Variants in MFSD6 observed in about 807,000 individuals in gnomAD.
The protein encoded by MFSD6 is major facilitator superfamily domain containing 6, also known as major facilitator superfamily domain-containing protein 6.
MFSD6 carries 26 observed loss-of-function variants against 56.3 expected under a neutral mutation model. The observed-to-expected ratio is 0.46, with a 90% CI of 0.34 to 0.64. MFSD6 has a LOEUF of 0.64. MFSD6 is among the 30% of genes least tolerant of loss of function. The probability of loss-of-function intolerance (pLI) is 0.01; values close to 1 mark genes in which losing one functional copy is unlikely to be tolerated. For missense variants in MFSD6, 750 were observed against 986.2 expected, an observed-to-expected ratio of 0.76 and a Z score of 3.21; for synonymous variants, 331 against 366.9, an observed-to-expected ratio of 0.90 and a Z score of 1.12.
At chr2:190,445,304 G>A (rs1241860114) in intron 3 of MFSD6, among the ~76,000 whole-genome samples, 1 of 152,118 alleles carries the variant, frequency 6.6e-6, no homozygotes, top group African/African-American at 2.4e-5. Context: ...TCAGTGGTGG[G>A]GGGATTTGGT....
chr2:190,468,619 ATTTTTTTT>A (rs71027223), intron 3 of MFSD6, among the ~76,000 whole-genome samples: 1 of 128,026 alleles, frequency 7.8e-6, no homozygotes, highest in South Asian at 2.6e-4. Context: ...AGCCTGGCTA[ATTTTTTTT>A]TTTTTTTTTT....
In MFSD6 at chr2:190,437,148, C is replaced by A. The variant is rs1054860609; in HGVS notation, c.1119C>A (p.Ile373=). 1 of 1,614,146 alleles carries A rather than the reference C, an allele frequency of 6.2e-7. No individual in the cohort carries two copies. The highest frequency in any genetic ancestry group is 1.3e-5 in the African/African-American group (1 of 74,946). The stretch of plus-strand genomic sequence containing the variant: ...ACAGGAATTACCAGATCGTCTTCAT[C>A]GTCTTCGGCGTTCTCATGACCATGG... The part of the protein sequence containing the change: ...PEYRNYQIVF[I]VFGVLMTMAL... The change falls in exon 3 of 8, where the codon ATC becomes ATA. Residue 373 remains isoleucine (I), a synonymous_variant. Coordinates refer to ENST00000392328, the MANE Select transcript of MFSD6 (RefSeq NM_017694.4). The surrounding 1 kb of genome is among the most constrained non-coding windows in gnomAD (Gnocchi z 5.9).
chr2:190,468,521 T>C (rs974199198), intron 3 of MFSD6, among the ~76,000 whole-genome samples: 1 of 151,466 alleles, frequency 6.6e-6, no homozygotes, highest in African/African-American at 2.4e-5. Flanking sequence ...GGTGGGATTA[T>C]GGCTCAGGGC....
chr2:190,475,797 C>A lies in MFSD6; in HGVS notation c.1630+5942C>A, dbSNP rs1253969290. Among the ~76,000 whole-genome samples, 7 of 152,282 alleles carry A rather than the reference C, an allele frequency of 4.6e-5. No homozygotes were observed. The East Asian group carries it at 1.3e-3, about 29-fold the overall frequency. ...GAACAAAGCTGGAGGCATCACACTACCTGACTTCAAACTATACTACAAGCC... is the reference window on the plus strand; with the variant it reads ...GAACAAAGCTGGAGGCATCACACTAACTGACTTCAAACTATACTACAAGCC... On this transcript the variant is annotated intron_variant, in intron 4 of 7. Transcript: ENST00000392328.
intron 2 of MFSD6, among the ~76,000 whole-genome samples, chr2:190,435,101 G>C (rs1686131322): frequency 6.6e-6 from 1 of 152,174 alleles, no homozygotes; most frequent in Non-Finnish European, 1.5e-5. Flanking sequence ...TATCTTCCAT[G>C]AAACCAGTCC....
chr2:190,430,265 C>T (rs1685925028), intron 2 of MFSD6, among the ~76,000 whole-genome samples: 1 of 146,220 alleles, frequency 6.8e-6, no homozygotes, highest in African/African-American at 2.5e-5. Context: ...GGGGATTTGG[C>T]AGGGTCATAG....
chr2:190,408,434 C>T lies in MFSD6; in HGVS notation c.-245C>T, dbSNP rs1265431367. On this transcript the variant is annotated 5_prime_UTR_variant, in exon 1 of 8. Coordinates refer to ENST00000392328, the MANE Select transcript of MFSD6 (RefSeq NM_017694.4). ...CAGCCGCCGCCCCGGCGCCCCGAGC[C>T]GCCGCCCCGTGCTCCGGGGACAGGG... 2 of 151,220 alleles carry T rather than the reference C, an allele frequency of 1.3e-5. No individual in the cohort carries two copies. Among genetic ancestry groups the T allele is most frequent in the Non-Finnish European group, 3.0e-5 (2 of 67,528 alleles). 9.4% of individuals were successfully genotyped at this position (151,220 alleles called of 1,614,324 possible).
rs1559101059 is a variant in MFSD6, at chr2:190,416,927, A to G, written c.-54+1514A>G. 6.6e-6 allele frequency among the ~76,000 whole-genome samples: 1 copy of G among 152,170 alleles called. No individual in the cohort carries two copies. Among genetic ancestry groups the G allele is most frequent in the African/African-American group, 2.4e-5 (1 of 41,434 alleles). On this transcript the variant is annotated intron_variant, in intron 2 of 7. Transcript: ENST00000392328. This position sits in a 1 kb window ranked among gnomAD's most constrained non-coding sequence, Gnocchi z 4.1. ...TTGATCACATTAAACTTTAATAAAA[A>G]TTTATATGTTTATTGTCATCAGGTG...
At chr2:190,449,849 C>T (rs929979500) in intron 3 of MFSD6, among the ~76,000 whole-genome samples, 1 of 151,680 alleles carries the variant, frequency 6.6e-6, no homozygotes, top group Non-Finnish European at 1.5e-5. Flanking sequence ...GAACATCACA[C>T]TCTGGGGACT....
At chr2:190,455,304 C>A (rs911169899) in intron 3 of MFSD6, among the ~76,000 whole-genome samples, 1 of 152,068 alleles carries the variant, frequency 6.6e-6, no homozygotes, top group African/African-American at 2.4e-5. Context: ...TATTAGAAAT[C>A]TAACGTTTTA....
rs756510061 is a variant in MFSD6, at chr2:190,495,682, TAAATA to T, written c.1892-1754_1892-1750del. On this transcript the variant is annotated intron_variant, in intron 6 of 7. Coordinates refer to ENST00000392328, the MANE Select transcript of MFSD6 (RefSeq NM_017694.4). This position sits in a 1 kb window ranked among gnomAD's most constrained non-coding sequence, Gnocchi z 4.7. The stretch of plus-strand genomic sequence containing the variant: ...CCAATGAAACAGAATAGAAAACCCA[TAAATA>T]AAGCCAAATACAGCCAACTGATATT... 1.3e-4 allele frequency among the ~76,000 whole-genome samples: 20 copies of T among 151,570 alleles called. No individual in the cohort carries two copies. The highest frequency in any genetic ancestry group is 2.1e-4 in the Non-Finnish European group (14 of 67,830).
chr2:190,411,145 C>CA (rs1211371048), intron 1 of MFSD6: 1 of 975,998 alleles, frequency 1.0e-6, no homozygotes, highest in Non-Finnish European at 1.2e-6. Flanking sequence ...TTTTTGTCCC[C>CA]AAACTGTTGA....
Position 190,436,365 on chromosome 2 carries a change from C to A in MFSD6, c.336C>A (p.Phe112Leu), listed in dbSNP as rs778212272. 9 of 1,614,112 alleles carry A rather than the reference C, an allele frequency of 5.6e-6. No individual in the cohort carries two copies. Among genetic ancestry groups the A allele is most frequent in the Non-Finnish European group, 6.8e-6 (8 of 1,180,044 alleles). Residue 112 changes from phenylalanine (F) to leucine (L), a missense_variant, in exon 3 of 8, where the codon TTC (phenylalanine) becomes TTA (leucine). Phe to Leu is a conservative substitution (Grantham distance 22, BLOSUM62 0). Coordinates refer to ENST00000392328, the MANE Select transcript of MFSD6 (RefSeq NM_017694.4). The surrounding 1 kb of genome is among the most constrained non-coding windows in gnomAD (Gnocchi z 5.3). ...QSGLLVGIRY[F>L]IEFCSAPFWG... The stretch of plus-strand genomic sequence containing the variant: ...GACTACTAGTAGGTATTCGTTACTT[C>A]ATTGAATTCTGCAGTGCCCCCTTTT...
chr2:190,482,490 A>T (rs1559137353), intron 4 of MFSD6, among the ~76,000 whole-genome samples: 1 of 151,746 alleles, frequency 6.6e-6, no homozygotes, highest in Non-Finnish European at 1.5e-5. Flanking sequence ...CTGTGTGCCA[A>T]TGCTAAAGGG....
intron 3 of MFSD6, among the ~76,000 whole-genome samples, chr2:190,460,649 C>T (rs906848566): frequency 6.6e-6 from 1 of 152,144 alleles, no homozygotes; most frequent in Non-Finnish European, 1.5e-5. Flanking sequence ...ACTGTTACAA[C>T]CAAGATAAGT....
chr2:190,450,488 C>CTTTTTTTTTTTTTTTTTTTTTTT (rs10665730), intron 3 of MFSD6, among the ~76,000 whole-genome samples: 1 of 97,254 alleles, frequency 1.0e-5, no homozygotes, highest in Non-Finnish European at 1.9e-5. Context: ...TCTCTTTTTC[C>CTTTTTTTTTTTTTTTTTTTTTTT]TTTTTTTTTT....
At chr2:190,480,615 C>T (rs977100169) in intron 4 of MFSD6, among the ~76,000 whole-genome samples, 1 of 152,082 alleles carries the variant, frequency 6.6e-6, no homozygotes. Context: ...GGCAGATTAC[C>T]AAAATATGCA....
chr2:190,433,285 T>C lies in MFSD6; in HGVS notation c.-53-2692T>C, dbSNP rs925103682. On this transcript the variant is annotated intron_variant, in intron 2 of 7. Transcript: ENST00000392328. The surrounding 1 kb of genome is among the most constrained non-coding windows in gnomAD (Gnocchi z 4.5). ...ATTTTGAGCTCAGGAATTAAATTAATTTAGAAAATAGATTTGAGGGCAAAT... is the reference window on the plus strand; with the variant it reads ...ATTTTGAGCTCAGGAATTAAATTAACTTAGAAAATAGATTTGAGGGCAAAT... 1 of 152,226 alleles carries C rather than the reference T, an allele frequency of 6.6e-6. No individual in the cohort carries two copies. Among genetic ancestry groups the C allele is most frequent in the African/African-American group, 2.4e-5 (1 of 41,456 alleles). The allele number at this position is 152,226 out of a possible 1,614,324, so 9.4% of individuals were successfully genotyped here.
intron 3 of MFSD6, among the ~76,000 whole-genome samples, chr2:190,441,646 T>C (rs1171840829): frequency 6.6e-6 from 1 of 152,144 alleles, no homozygotes; most frequent in Non-Finnish European, 1.5e-5. Flanking sequence ...CTAGGGAAGC[T>C]ACAGATCTCT....
Sources: gnomAD v4.1 joint callset for allele counts (sites outside exome capture counted in the v4.1 genomes callset) on GRCh38, gnomAD v4.1.1 for gene constraint, Gnocchi (gnomAD v3.1) non-coding constraint, MANE v1.5 for transcripts, NCBI Gene and HGNC (gene_info 2026-07-23, HGNC 2026-07-21) for gene names.